Variants in ERC2 observed in about 807,000 individuals in gnomAD.
The protein encoded by ERC2 is ERC protein 2.
ERC2 carries 42 observed loss-of-function variants against 114.8 expected under a neutral mutation model. That is an observed-to-expected ratio of 0.37 (90% CI 0.29 to 0.47). ERC2 has a LOEUF of 0.47. Among genes scored for constraint, ERC2 ranks in the 20% least tolerant of loss-of-function variants. The pLI is 0.99. For synonymous variants in ERC2, 454 were observed against 425.5 expected (o/e 1.07, Z -0.82); for missense variants, 939 against 1,150.7 (o/e 0.82, Z 2.66).
At chr3:55,738,123 G>A (rs2065754069) in intron 14 of ERC2, among the ~76,000 whole-genome samples, 1 of 152,170 alleles carries the variant, frequency 6.6e-6, no homozygotes, top group Non-Finnish European at 1.5e-5. Flanking sequence ...TGGCCCAGAA[G>A]TCTCTTGTCA....
intron 2 of ERC2, among the ~76,000 whole-genome samples, chr3:56,370,715 C>T (rs1023714107): frequency 1.5e-4 from 23 of 151,628 alleles, no homozygotes; most frequent in Non-Finnish European, 2.8e-4. Context: ...CTGCCTTAGC[C>T]TCCTGAGTAG....
chr3:56,288,140 C>T (rs1395405356), intron 3 of ERC2, among the ~76,000 whole-genome samples: 1 of 152,160 alleles, frequency 6.6e-6, no homozygotes. Flanking sequence ...TATAGCTGAG[C>T]CTGTCTCAAC....
intron 6 of ERC2, among the ~76,000 whole-genome samples, chr3:56,137,768 C>T (rs2149908839): frequency 6.6e-6 from 1 of 152,330 alleles, no homozygotes; most frequent in East Asian, 1.9e-4. Flanking sequence ...CTGTCTAATA[C>T]AGCAGCCACT....
At chr3:56,093,063 T>C (rs763229196) in intron 6 of ERC2, among the ~76,000 whole-genome samples, 38 of 152,174 alleles carry the variant, frequency 2.5e-4, no homozygotes, top group Non-Finnish European at 8.8e-5. Context: ...AAAGTATTTG[T>C]AAATGACTAA....
chr3:55,744,122 G>A (rs1405466334), intron 14 of ERC2, among the ~76,000 whole-genome samples: 2 of 152,080 alleles, frequency 1.3e-5, no homozygotes, highest in Non-Finnish European at 1.5e-5. Context: ...CAACTTTGTG[G>A]CCAGGCATGG....
chr3:56,202,783 A>G (rs2048481214), intron 3 of ERC2, among the ~76,000 whole-genome samples: 1 of 152,154 alleles, frequency 6.6e-6, no homozygotes, highest in Non-Finnish European at 1.5e-5. Context: ...TTTCAGTTAT[A>G]AGATGAATAA....
chr3:55,776,849 G>A lies in ERC2; in HGVS notation c.2565-41931C>T, dbSNP rs115212332. Among the ~76,000 whole-genome samples the A allele has an allele frequency of 6.8e-3, 1,029 of 152,314 alleles. 9 individuals carry two copies. Among genetic ancestry groups the A allele is most frequent in the African/African-American group, 0.023 (970 of 41,576 alleles). ...GGCAAACACACACAAACGCTAGGCAGTGTGGTTGGCATTAGCATTCATTTT... is the reference window on the plus strand; with the variant it reads ...GGCAAACACACACAAACGCTAGGCAATGTGGTTGGCATTAGCATTCATTTT... On this transcript the variant is annotated intron_variant, in intron 14 of 17. Coordinates refer to ENST00000288221, the MANE Select transcript of ERC2 (RefSeq NM_015576.3).
At chr3:55,952,171 ACACACACACTCTCTCTCT>A (rs1323730695) in intron 12 of ERC2, among the ~76,000 whole-genome samples, 11 of 60,068 alleles carry the variant, frequency 1.8e-4, no homozygotes, top group African/African-American at 5.4e-4. Context: ...ACACACACAC[ACACACACACTCTCTCTCT>A]CTCTCTCTCT....
At chr3:55,880,937 A>G (rs1175260920) in intron 14 of ERC2, among the ~76,000 whole-genome samples, 1 of 152,166 alleles carries the variant, frequency 6.6e-6, no homozygotes, top group East Asian at 1.9e-4. Flanking sequence ...TCACTTTCTC[A>G]TGAATTTATA....
intron 14 of ERC2, among the ~76,000 whole-genome samples, chr3:55,750,991 T>C (rs2066666629): frequency 6.6e-6 from 1 of 152,250 alleles, no homozygotes; most frequent in African/African-American, 2.4e-5. Context: ...TCTTATTTAA[T>C]AGCTTAATTA....
At chr3:55,583,441 TCCTCCCTC>T (rs1366995566) in intron 17 of ERC2, among the ~76,000 whole-genome samples, 2 of 81,518 alleles carry the variant, frequency 2.5e-5, no homozygotes, top group African/African-American at 5.0e-5. Context: ...CTTCCTTCCT[TCCTCCCTC>T]CCTCCTTCCC....
In ERC2 at chr3:56,417,050, G is replaced by A. The variant is rs1039476115; in HGVS notation, c.657+17301C>T. The stretch of plus-strand genomic sequence containing the variant: ...AGAGTCTTAGCTGGCCAGATATTAT[G>A]CAGCAGATGGATTCTGTAGACTGAG... On this transcript the variant is annotated intron_variant, in intron 2 of 17. Transcript: ENST00000288221. Among the ~76,000 whole-genome samples, 3 of 152,166 alleles carry A rather than the reference G, an allele frequency of 2.0e-5. No individual in the cohort carries two copies. In the East Asian group the frequency reaches 5.8e-4, roughly 29 times the overall value.
chr3:56,327,602 G>A (rs2057421603), intron 2 of ERC2, among the ~76,000 whole-genome samples: 1 of 152,142 alleles, frequency 6.6e-6, no homozygotes, highest in Non-Finnish European at 1.5e-5. Context: ...CTTGAACCAG[G>A]GAGGCGTAGG....
intron 11 of ERC2, among the ~76,000 whole-genome samples, chr3:55,988,840 G>C (rs924135046): frequency 6.6e-6 from 1 of 152,196 alleles, no homozygotes; most frequent in Non-Finnish European, 1.5e-5. Flanking sequence ...AATATTGTGA[G>C]GTATGAATTT....
chr3:55,945,482 G>A (rs11707255), intron 13 of ERC2, among the ~76,000 whole-genome samples: 37,726 of 152,114 alleles, frequency 0.25, 5,160 homozygotes, highest in Admixed American at 0.34. Flanking sequence ...AGATATACAC[G>A]TCCTTCTGCA....
intron 13 of ERC2, among the ~76,000 whole-genome samples, chr3:55,912,741 A>G (rs1029295295): frequency 3.3e-5 from 5 of 152,134 alleles, no homozygotes; most frequent in Non-Finnish European, 7.4e-5. Context: ...CTCAAACCCA[A>G]AATAGCTTTA....
intron 17 of ERC2, among the ~76,000 whole-genome samples, chr3:55,535,457 G>A (rs1187829100): frequency 6.6e-6 from 1 of 152,176 alleles, no homozygotes; most frequent in Non-Finnish European, 1.5e-5. Flanking sequence ...TCTATTCTAA[G>A]CCACAATTGA....
chr3:56,059,397 A>C (rs922776789), intron 7 of ERC2, among the ~76,000 whole-genome samples: 4 of 152,068 alleles, frequency 2.6e-5, no homozygotes, highest in African/African-American at 9.7e-5. Flanking sequence ...CCACATAGAG[A>C]TATTTATATG....
At chr3:55,561,295 C>T (rs775122822) in intron 17 of ERC2, among the ~76,000 whole-genome samples, 9 of 151,870 alleles carry the variant, frequency 5.9e-5, no homozygotes, top group East Asian at 1.9e-4. Context: ...TCATTTTTTC[C>T]GTGTGTCCAT....
Sources: gnomAD v4.1 joint callset for allele counts (sites outside exome capture counted in the v4.1 genomes callset) on GRCh38, gnomAD v4.1.1 for gene constraint, MANE v1.5 for transcripts, NCBI Gene and HGNC (gene_info 2026-07-23, HGNC 2026-07-21) for gene names.